The following SCFD2 variants were observed in gnomAD, a reference collection of about 807,000 sequenced individuals.
The protein encoded by SCFD2 is sec1 family domain containing 2.
SCFD2 carries 54 observed loss-of-function variants against 58.9 expected under a neutral mutation model. The ratio of observed to expected loss-of-function variants is 0.92; its 90% CI spans 0.74 to 1.15. The LOEUF is 1.15. SCFD2 is among the 50% of genes most tolerant of loss of function. SCFD2 has a pLI of 0.00. For synonymous variants in SCFD2, 321 were observed against 335.9 expected (o/e 0.96, Z 0.49); for missense variants, 805 against 836.6 (o/e 0.96, Z 0.47).
At position 53,340,837 on chromosome 4, in the gene SCFD2, C is replaced by T. The variant is rs575615862; in HGVS notation, c.1007+11761G>A. Reference sequence around the variant, plus strand: ...TGTTATGCAGCCTCCGCTGCTGATACCCAGGCAAACAGGGTCTGGAGTGGA... The same window carrying T: ...TGTTATGCAGCCTCCGCTGCTGATATCCAGGCAAACAGGGTCTGGAGTGGA... On this transcript the variant is annotated intron_variant, in intron 2 of 8. Transcript: ENST00000401642. Among the ~76,000 whole-genome samples, 776 of 152,316 alleles carry T rather than the reference C, an allele frequency of 5.1e-3. 2 individuals are homozygous for T. Among genetic ancestry groups the T allele is most frequent in the Non-Finnish European group, 8.5e-3 (575 of 68,034 alleles).
chr4:53,273,594 A>G (rs1314464095), intron 4 of SCFD2: 2 of 393,132 alleles, frequency 5.1e-6, no homozygotes, highest in Non-Finnish European at 9.0e-6. Flanking sequence ...TGCTCAAAAA[A>G]CATCCTTGGT....
At chr4:52,883,384 C>T (rs1485133963) in intron 8 of SCFD2, among the ~76,000 whole-genome samples, 1 of 152,234 alleles carries the variant, frequency 6.6e-6, no homozygotes, top group East Asian at 1.9e-4. Flanking sequence ...TCTGTTTCCC[C>T]TGCTGCCTGA....
intron 5 of SCFD2, among the ~76,000 whole-genome samples, chr4:53,099,872 C>A (rs1304886752): frequency 6.6e-6 from 1 of 151,938 alleles, no homozygotes; most frequent in Admixed American, 6.6e-5. Context: ...GGATTTTTGT[C>A]CTTAATTTTT....
chr4:53,163,681 G>T (rs1044784841), intron 4 of SCFD2, among the ~76,000 whole-genome samples: 8 of 152,136 alleles, frequency 5.3e-5, no homozygotes, highest in African/African-American at 1.7e-4. Flanking sequence ...AGGGAGTCAA[G>T]ATCACACCAC....
chr4:53,229,385 A>G (rs1577868260), intron 4 of SCFD2, among the ~76,000 whole-genome samples: 1 of 152,258 alleles, frequency 6.6e-6, no homozygotes, highest in East Asian at 1.9e-4. Flanking sequence ...ACAAGGCTAC[A>G]GTAACCAAAA....
intron 3 of SCFD2, among the ~76,000 whole-genome samples, chr4:53,311,633 T>C (rs1732692676): frequency 7.6e-6 from 1 of 132,430 alleles, no homozygotes; most frequent in African/African-American, 2.7e-5. Context: ...CCTACTTTCC[T>C]TGATTCACAA....
rs770872807 is a variant in SCFD2 at position 53,365,707 on chromosome 4, A to C, written c.235T>G (p.Cys79Gly). The change falls in exon 1 of 9, where the codon TGC becomes GGC. Residue 79 changes from cysteine to glycine, a missense_variant. Cys to Gly is a radical substitution (Grantham distance 159). This residue lies in a region of SCFD2 where 155 missense variants were observed against 149.7 expected (regional missense o/e 1.04). Transcript: ENST00000401642. The surrounding 1 kb of genome is among the most constrained non-coding windows in gnomAD (Gnocchi z 4.3). The stretch of plus-strand genomic sequence containing the variant: ...TCCACGGTCCGGCCTTTCAGCAGGC[A>C]GCTCAGCACAAACACTGCCTTGGGC... ...KQPKAVFVLS[C>G]LLKGRTVEIL... 3 of 1,614,198 alleles carry C rather than the reference A, an allele frequency of 1.9e-6. No homozygotes were observed. The highest frequency in any genetic ancestry group is 2.5e-6 in the Non-Finnish European group (3 of 1,180,034).
intron 5 of SCFD2, among the ~76,000 whole-genome samples, chr4:52,938,699 AAGCAGTTGCC>A (rs1197209931): frequency 6.6e-6 from 1 of 152,222 alleles, no homozygotes; most frequent in Non-Finnish European, 1.5e-5. Context: ...TAAGCAGGCT[AAGCAGTTGCC>A]ATTGTAATTT....
At chr4:53,199,464 T>A (rs1008829776) in intron 4 of SCFD2, among the ~76,000 whole-genome samples, 2 of 152,116 alleles carry the variant, frequency 1.3e-5, no homozygotes, top group Non-Finnish European at 2.9e-5. Context: ...CCTTTAGAAT[T>A]TCCTGAGTGA....
intron 5 of SCFD2, among the ~76,000 whole-genome samples, chr4:52,936,441 T>C (rs537553386): frequency 1.3e-5 from 2 of 152,328 alleles, no homozygotes; most frequent in South Asian, 4.1e-4. Flanking sequence ...CATTGAAATA[T>C]GGGGTCAGGT....
chr4:53,055,488 A>ACTGTTTTT (rs1723312083), intron 5 of SCFD2, among the ~76,000 whole-genome samples: 1 of 152,152 alleles, frequency 6.6e-6, no homozygotes, highest in Admixed American at 6.6e-5. Context: ...AGTTGCCTAA[A>ACTGTTTTT]AACAGGCCCA....
At chr4:53,354,129 AGG>A (rs1734327238) in intron 1 of SCFD2, among the ~76,000 whole-genome samples, 1 of 152,250 alleles carries the variant, frequency 6.6e-6, no homozygotes, top group African/African-American at 2.4e-5. Context: ...GCTGCGGAGC[AGG>A]GGACAGTGCC....
chr4:53,322,275 A>T (rs1733047536), intron 2 of SCFD2, among the ~76,000 whole-genome samples: 1 of 152,164 alleles, frequency 6.6e-6, no homozygotes, highest in Admixed American at 6.5e-5. Context: ...GATGGCAATG[A>T]AAGTGACCTC....
intron 5 of SCFD2, among the ~76,000 whole-genome samples, chr4:53,062,830 G>T (rs1723553228): frequency 6.6e-6 from 1 of 152,172 alleles, no homozygotes; most frequent in Admixed American, 6.5e-5. Flanking sequence ...AATCACATCT[G>T]TGATTAGACA....
At chr4:53,243,033 T>C (rs1387341929) in intron 4 of SCFD2, among the ~76,000 whole-genome samples, 1 of 152,150 alleles carries the variant, frequency 6.6e-6, no homozygotes, top group African/African-American at 2.4e-5. Context: ...ATGGGGATAA[T>C]GGAAGCAACT....
chr4:53,174,672 A>G (rs953591352), intron 4 of SCFD2, among the ~76,000 whole-genome samples: 6 of 152,204 alleles, frequency 3.9e-5, no homozygotes, highest in African/African-American at 1.4e-4. Context: ...GAAGAATGGA[A>G]AGAGACTTAC....
rs1043814733 is a variant in SCFD2 at position 53,136,807 on chromosome 4, G to A, written c.1561+8526C>T. On this transcript the variant is annotated intron_variant, in intron 5 of 8. Transcript: ENST00000401642. ...AGAGCCTCTACATTCTATTACCACTGTCCCAGGGTTTCAATGCTTAGAGAG... is the reference window on the plus strand; with the variant it reads ...AGAGCCTCTACATTCTATTACCACTATCCCAGGGTTTCAATGCTTAGAGAG... Among the ~76,000 whole-genome samples, 4 of 152,282 alleles carry A rather than the reference G, an allele frequency of 2.6e-5. 1 individual carries two copies. The highest frequency in any genetic ancestry group is 3.9e-4 in the East Asian group (2 of 5,190).
intron 5 of SCFD2, among the ~76,000 whole-genome samples, chr4:53,138,077 A>T (rs1257491927): frequency 3.3e-5 from 5 of 152,212 alleles, no homozygotes. Flanking sequence ...GTGGGGAAGC[A>T]CTACCCTATA....
At chr4:52,996,453 C>T (rs1203718767) in intron 5 of SCFD2, among the ~76,000 whole-genome samples, 2 of 152,216 alleles carry the variant, frequency 1.3e-5, no homozygotes, top group Admixed American at 6.5e-5. Context: ...TTTTATGTTT[C>T]AGCTTTCAAG....
Sources: gnomAD v4.1 joint callset for allele counts (sites outside exome capture counted in the v4.1 genomes callset) on GRCh38, gnomAD v4.1.1 for gene constraint, gnomAD v4.1.1 regional missense constraint, Gnocchi (gnomAD v3.1) non-coding constraint, MANE v1.5 for transcripts, NCBI Gene and HGNC (gene_info 2026-07-23, HGNC 2026-07-21) for gene names.